The following RP1 variants were observed in gnomAD, a reference collection of about 807,000 sequenced individuals.
RP1 encodes the protein oxygen-regulated protein 1.
RP1 carries 16 observed loss-of-function variants against 14.8 expected under a neutral mutation model. That is an observed-to-expected ratio of 1.08 (90% CI 0.73 to 1.65). The LOEUF (loss-of-function observed/expected upper bound fraction) is 1.65. RP1 is among the 40% of genes most tolerant of loss of function. RP1 has a pLI of 0.00. For missense variants in RP1, 2,631 were observed against 2,535.0 expected, an observed-to-expected ratio of 1.04 and a Z score of -0.81; for synonymous variants, 876 against 883.6, an observed-to-expected ratio of 0.99 and a Z score of 0.15.
chr8:54,776,725 C>G (rs1160720734), intron 23 of RP1, among the ~76,000 whole-genome samples: 2 of 152,070 alleles, frequency 1.3e-5, no homozygotes, highest in Non-Finnish European at 2.9e-5. Context: ...GTGGAAATGC[C>G]AAGGCTGAGC....
At chr8:54,673,218 T>C (rs1276561431) in intron 7 of RP1, among the ~76,000 whole-genome samples, 2 of 152,204 alleles carry the variant, frequency 1.3e-5, no homozygotes, top group African/African-American at 4.8e-5. Context: ...GGATAAAATA[T>C]GCATATGAAA....
chr8:54,805,597 A>G (rs537000419), intron 24 of RP1, among the ~76,000 whole-genome samples: 1 of 152,340 alleles, frequency 6.6e-6, no homozygotes, highest in East Asian at 1.9e-4. Flanking sequence ...GAGTTTATAC[A>G]GCTGGAAAAT....
At chr8:54,644,158 A>G (rs554479864) in intron 3 of RP1, among the ~76,000 whole-genome samples, 2 of 152,322 alleles carry the variant, frequency 1.3e-5, no homozygotes, top group African/African-American at 4.8e-5. Flanking sequence ...CAATGATGGG[A>G]CAGGCATAGG....
intron 7 of RP1, among the ~76,000 whole-genome samples, chr8:54,669,055 C>T (rs562847297): frequency 6.6e-6 from 1 of 152,228 alleles, no homozygotes; most frequent in South Asian, 2.1e-4. Flanking sequence ...AGAGCTTCTG[C>T]ACAGCAGAAG....
chr8:54,835,562 A>G (rs1811637419), intron 24 of RP1, among the ~76,000 whole-genome samples: 1 of 151,742 alleles, frequency 6.6e-6, no homozygotes, highest in Non-Finnish European at 1.5e-5. Context: ...ATATATTTAG[A>G]CCACTTATTT....
At chr8:54,675,818 G>T (rs763213030) in intron 8 of RP1, among the ~76,000 whole-genome samples, 29 of 152,082 alleles carry the variant, frequency 1.9e-4, no homozygotes, top group Non-Finnish European at 4.3e-4. Context: ...ATAGAAGCAA[G>T]ACCTCACCAT....
intron 22 of RP1, among the ~76,000 whole-genome samples, chr8:54,765,683 A>G (rs537369910): frequency 6.6e-6 from 1 of 152,176 alleles, no homozygotes; most frequent in South Asian, 2.1e-4. Flanking sequence ...TTAGCTCATT[A>G]TATTCTTTCT....
intron 24 of RP1, among the ~76,000 whole-genome samples, chr8:54,815,761 T>A (rs1014254047): frequency 6.6e-6 from 1 of 152,156 alleles, no homozygotes; most frequent in African/African-American, 2.4e-5. Context: ...ATATTTTAGA[T>A]TTTAAAAATA....
At position 54,627,524 on chromosome 8, in the gene RP1, G is replaced by A. The variant is rs371229971; in HGVS notation, c.3642G>A (p.Thr1214=). The A allele has an allele frequency of 5.0e-6, 8 of 1,614,074 alleles. No homozygotes were observed. The highest frequency in any genetic ancestry group is 2.2e-5 in the East Asian group (1 of 44,888). Reference sequence around the variant, plus strand: ...TAGATCTTTCTGCAAATTGTTCCACGGTCAACATTCAGAGTGTTCCTAAGT... The same window carrying A: ...TAGATCTTTCTGCAAATTGTTCCACAGTCAACATTCAGAGTGTTCCTAAGT... ...VPIDLSANCS[T]VNIQSVPKCS... is the part of the protein sequence containing the mutation. Residue 1214 remains threonine (T), a synonymous_variant, in exon 4 of 4, where the codon ACG becomes ACA. Coordinates refer to ENST00000220676, the MANE Select transcript of RP1 (RefSeq NM_006269.2).
Position 54,586,896 on chromosome 8 carries a change from C to T in RP1, c.-13+27576C>T, listed in dbSNP as rs180882069. Among the ~76,000 whole-genome samples the T allele has an allele frequency of 4.0e-3, 604 of 152,250 alleles. 2 individuals carry two copies. The highest frequency in any genetic ancestry group is 0.013 in the African/African-American group (530 of 41,522). On this transcript the variant is annotated intron_variant, in intron 1 of 22. Coordinates refer to the RP1 transcript ENST00000636932. ...CAATTTTCCAGGTGCCGTCTGTCACCCCTTTATTTGACTAGGAAAGGGAAT... is the reference window on the plus strand; with the variant it reads ...CAATTTTCCAGGTGCCGTCTGTCACTCCTTTATTTGACTAGGAAAGGGAAT...
chr8:54,596,600 C>A (rs1805153913), intron 1 of RP1, among the ~76,000 whole-genome samples: 1 of 152,114 alleles, frequency 6.6e-6, no homozygotes, highest in Non-Finnish European at 1.5e-5. Flanking sequence ...GTTTTTGACA[C>A]ATGTTGTCTG....
intron 19 of RP1, among the ~76,000 whole-genome samples, chr8:54,754,339 GT>G (rs66571554): frequency 0.41 from 60,320 of 148,414 alleles, 12,957 homozygotes; most frequent in African/African-American, 0.56. Flanking sequence ...CTCTTAGATT[GT>G]TTTTTTTTTT....
chr8:54,719,017 C>T (rs1275877621), intron 15 of RP1, among the ~76,000 whole-genome samples: 3 of 152,162 alleles, frequency 2.0e-5, no homozygotes, highest in Non-Finnish European at 2.9e-5. Context: ...TTGGGAATCT[C>T]AGGAAACAAC....
intron 1 of RP1, among the ~76,000 whole-genome samples, chr8:54,586,245 A>G (rs771457327): frequency 6.6e-6 from 1 of 152,070 alleles, no homozygotes; most frequent in Non-Finnish European, 1.5e-5. Context: ...GGTCTATTGG[A>G]GTTTCCTGGA....
intron 12 of RP1, among the ~76,000 whole-genome samples, chr8:54,697,568 G>C (rs1807900187): frequency 6.6e-6 from 1 of 151,976 alleles, no homozygotes; most frequent in Non-Finnish European, 1.5e-5. Context: ...AAAAAGAAAA[G>C]AAAAGACAGT....
chr8:54,689,796 T>G (rs951769077), intron 12 of RP1, among the ~76,000 whole-genome samples: 3 of 152,046 alleles, frequency 2.0e-5, no homozygotes, highest in Non-Finnish European at 4.4e-5. Flanking sequence ...TAGTTTTCTA[T>G]TTACTTGGCA....
upstream of RP1, among the ~76,000 whole-genome samples, chr8:54,615,377 A>C (rs1805690943): frequency 6.6e-6 from 1 of 152,182 alleles, no homozygotes; most frequent in Admixed American, 6.5e-5. Flanking sequence ...TTCAGAGCTG[A>C]GGCAGGAAGC....
chr8:54,568,119 C>T (rs900855982), intron 1 of RP1, among the ~76,000 whole-genome samples: 6 of 152,104 alleles, frequency 3.9e-5, no homozygotes, highest in African/African-American at 1.4e-4. Flanking sequence ...AGCTATTCAA[C>T]CATTCTAGAA....
intron 24 of RP1, among the ~76,000 whole-genome samples, chr8:54,807,298 C>T (rs1810875783): frequency 6.6e-6 from 1 of 152,178 alleles, no homozygotes; most frequent in Non-Finnish European, 1.5e-5. Context: ...ATCGCTAGTC[C>T]TTCAAAGAAC....
Sources: allele counts gnomAD v4.1 joint callset (sites outside exome capture counted in the v4.1 genomes callset), GRCh38; gene constraint gnomAD v4.1.1; transcripts MANE v1.5; gene names NCBI Gene and HGNC (gene_info 2026-07-23, HGNC 2026-07-21).